The following MREG variants were observed in gnomAD, a reference collection of about 807,000 sequenced individuals.
MREG encodes melanoregulin.
In MREG, 31 loss-of-function variants were observed where a neutral mutation model predicts 28.5. That is an observed-to-expected ratio of 1.09 (90% CI 0.82 to 1.47). The LOEUF (loss-of-function observed/expected upper bound fraction) is 1.47. MREG is among the 40% of genes most tolerant of loss of function. MREG has a pLI of 0.00. For synonymous variants in MREG, 106 were observed against 95.2 expected, an observed-to-expected ratio of 1.11 and a Z score of -0.66; for missense variants, 256 against 257.4, an observed-to-expected ratio of 0.99 and a Z score of 0.04.
chr2:216,033,976 G>T (rs559542060), upstream of MREG: 1 of 152,294 alleles, frequency 6.6e-6, no homozygotes, highest in Non-Finnish European at 1.5e-5. Flanking sequence ...CCTGAATATG[G>T]TTTAGAATCT....
At chr2:216,030,095 AAAG>A (rs1694657203) in intron 1 of MREG, among the ~76,000 whole-genome samples, 1 of 152,214 alleles carries the variant, frequency 6.6e-6, no homozygotes, top group Non-Finnish European at 1.5e-5. Flanking sequence ...AAAAGGTTAT[AAAG>A]AAGATTTAGG....
At chr2:216,013,045 G>A (rs1471497818) in intron 1 of MREG, among the ~76,000 whole-genome samples, 188 bp downstream of exon 1, 1 of 152,114 alleles carries the variant, frequency 6.6e-6, no homozygotes, top group East Asian at 1.9e-4. Flanking sequence ...TGTGCTTTTC[G>A]GCAAAAATCT....
At chr2:215,956,909 T>C (rs56114548) in intron 2 of MREG, among the ~76,000 whole-genome samples, 58,248 of 151,994 alleles carry the variant, frequency 0.38, 11,870 homozygotes, top group Non-Finnish European at 0.45. Flanking sequence ...TGGGGAGGGC[T>C]GTGTTACCCT....
chr2:215,984,277 C>T (rs751914432), intron 2 of MREG, among the ~76,000 whole-genome samples: 30 of 152,124 alleles, frequency 2.0e-4, no homozygotes, highest in Admixed American at 5.2e-4. Flanking sequence ...CCATGTCCAT[C>T]CCACAACATG....
downstream of MREG, among the ~76,000 whole-genome samples, chr2:215,940,361 T>C (rs887350254): frequency 1.3e-5 from 2 of 152,234 alleles, no homozygotes; most frequent in Admixed American, 1.3e-4. Context: ...CTTGTGATAT[T>C]AGTAATAGAA....
chr2:215,996,469 T>C lies in MREG; in HGVS notation c.96-4A>G. On this transcript the variant is annotated splice_region_variant and splice_polypyrimidine_tract_variant and intron_variant, in intron 1 of 4. Transcript: ENST00000263268. ...TGAGGAATATGGATTGTTATCACTG[T>C]TGTATAAAAAAAGGAAAGATTGGGG... 1 of 1,602,134 alleles carries C rather than the reference T, an allele frequency of 6.2e-7. No homozygotes were observed.
At chr2:215,996,597 G>A in intron 1 of MREG, 132 bp from the exon 2 acceptor site, 1 of 652,008 alleles carries the variant, frequency 1.5e-6, no homozygotes, top group Non-Finnish European at 2.5e-6. Flanking sequence ...AAAAAGGTCT[G>A]AATTGTCTTT....
At chr2:215,979,467 A>AAAAAAAAT (rs373505672) in intron 2 of MREG, among the ~76,000 whole-genome samples, 6 of 132,494 alleles carry the variant, frequency 4.5e-5, no homozygotes, top group Non-Finnish European at 7.8e-5. Context: ...CCATCTCAAA[A>AAAAAAAAT]AATAATAATA....
upstream of MREG, chr2:216,033,736 T>A (rs1333068741): frequency 1.3e-5 from 2 of 152,406 alleles, no homozygotes; most frequent in Non-Finnish European, 2.9e-5. Flanking sequence ...GCTGATGGCA[T>A]CAGGACTTGG....
At chr2:216,026,195 G>A (rs1158858747) in intron 1 of MREG, among the ~76,000 whole-genome samples, 1 of 152,158 alleles carries the variant, frequency 6.6e-6, no homozygotes, top group Admixed American at 6.6e-5. Flanking sequence ...GGACAGGGGT[G>A]GGGGACAGAA....
intron 2 of MREG, among the ~76,000 whole-genome samples, chr2:215,990,793 G>A (rs1371389083): frequency 3.3e-5 from 5 of 152,028 alleles, no homozygotes; most frequent in African/African-American, 7.2e-5. Context: ...CAAAAAAGAC[G>A]AAGAAGGGCA....
At chr2:216,018,883 C>A (rs966169181) in intron 1 of MREG, among the ~76,000 whole-genome samples, 1 of 152,214 alleles carries the variant, frequency 6.6e-6, no homozygotes, top group East Asian at 1.9e-4. Flanking sequence ...TCACCCCTAA[C>A]CCTCAACAGG....
At chr2:216,030,048 C>T (rs1694656568) in intron 1 of MREG, among the ~76,000 whole-genome samples, 2 of 152,124 alleles carry the variant, frequency 1.3e-5, no homozygotes, top group South Asian at 4.2e-4. Context: ...TATTTTCAAC[C>T]ACCTTAAAAT....
chr2:215,979,470 T>A (rs578000716), intron 2 of MREG, among the ~76,000 whole-genome samples: 7,420 of 42,708 alleles, frequency 0.17, 264 homozygotes, highest in African/African-American at 0.31. Flanking sequence ...TCTCAAAAAA[T>A]AATAATAATA....
chr2:216,014,416 C>G (rs1022060718), upstream of MREG, among the ~76,000 whole-genome samples: 3 of 152,024 alleles, frequency 2.0e-5, no homozygotes, highest in Non-Finnish European at 4.4e-5. Context: ...GTTGGGAGGC[C>G]GACGCGGGCG....
At chr2:216,010,354 C>CTTTTTTTTTTTTTTTTTTTTTTTTT (rs1164326774) in intron 1 of MREG, among the ~76,000 whole-genome samples, 1 of 94,370 alleles carries the variant, frequency 1.1e-5, no homozygotes, top group Non-Finnish European at 2.0e-5. Flanking sequence ...AAAGATTTCT[C>CTTTTTTTTTTTTTTTTTTTTTTTTT]TTTTTTTTTT....
At chr2:216,000,615 T>C (rs961665779) in intron 1 of MREG, among the ~76,000 whole-genome samples, 21 of 152,218 alleles carry the variant, frequency 1.4e-4, no homozygotes, top group Admixed American at 1.2e-3. Context: ...GGTGGGTCAG[T>C]TCCTCTAGGG....
At chr2:216,014,655 A>AT (rs1342545623), upstream of MREG, among the ~76,000 whole-genome samples, 2 of 151,150 alleles carry the variant, frequency 1.3e-5, no homozygotes, top group African/African-American at 2.4e-5. Flanking sequence ...TCTCAAAAAA[A>AT]AAAAAATAAA....
At chr2:216,005,651 C>T (rs780191358) in intron 1 of MREG, among the ~76,000 whole-genome samples, 2 of 151,700 alleles carry the variant, frequency 1.3e-5, no homozygotes, top group Non-Finnish European at 2.9e-5. Context: ...CAGGGTTTCA[C>T]CATGTTGGCC....
Sources: gnomAD v4.1 joint callset for allele counts (sites outside exome capture counted in the v4.1 genomes callset) on GRCh38, gnomAD v4.1.1 for gene constraint, MANE v1.5 for transcripts, NCBI Gene and HGNC (gene_info 2026-07-23, HGNC 2026-07-21) for gene names.